The following GNAQ variants were observed in gnomAD, a reference collection of about 807,000 sequenced individuals.
GNAQ encodes the protein guanine nucleotide-binding protein G(q) subunit alpha.
GNAQ carries 8 observed loss-of-function variants against 43.9 expected under a neutral mutation model. The observed-to-expected ratio is 0.18, with a 90% CI of 0.11 to 0.33. The LOEUF (loss-of-function observed/expected upper bound fraction) is 0.33, where lower values mean the gene tolerates loss of function less well. Ranked by LOEUF, GNAQ falls within the 10% of genes least tolerant of loss-of-function variation. The pLI, the probability that GNAQ is intolerant of heterozygous loss-of-function variation, is 1.00. For missense variants in GNAQ, 158 were observed against 450.8 expected (o/e 0.35, Z 5.88); for synonymous variants, 155 against 170.7 (o/e 0.91, Z 0.71).
chr9:78,011,376 A>C (rs1035435318), intron 1 of GNAQ, among the ~76,000 whole-genome samples: 8 of 152,238 alleles, frequency 5.3e-5, no homozygotes, highest in African/African-American at 1.7e-4. Flanking sequence ...TACAAGGGCC[A>C]GACAAAATTT....
At chr9:77,821,242 C>T (rs1341801947) in intron 2 of GNAQ, among the ~76,000 whole-genome samples, 1 of 151,952 alleles carries the variant, frequency 6.6e-6, no homozygotes, top group African/African-American at 2.4e-5. Context: ...ACTGTCTTTC[C>T]CAAAAAACAT....
chr9:77,985,138 G>A (rs1162442786), intron 1 of GNAQ, among the ~76,000 whole-genome samples: 3 of 152,042 alleles, frequency 2.0e-5, no homozygotes, highest in Non-Finnish European at 2.9e-5. Flanking sequence ...GTGAAACTCC[G>A]TCTCTACTAA....
intron 5 of GNAQ, among the ~76,000 whole-genome samples, chr9:77,757,174 G>A (rs966925326): frequency 4.6e-5 from 7 of 152,184 alleles, no homozygotes; most frequent in African/African-American, 1.4e-4. Flanking sequence ...AGCCCTGCTT[G>A]TATTAAAACA....
intron 3 of GNAQ, among the ~76,000 whole-genome samples, chr9:77,801,370 T>G (rs1826740605): frequency 6.6e-6 from 1 of 152,232 alleles, no homozygotes; most frequent in East Asian, 1.9e-4. Context: ...ATCTTTTCAA[T>G]GGCAGTATAG....
At position 77,892,085 on chromosome 9, in the gene GNAQ, T is replaced by C. The variant is rs540994907; in HGVS notation, c.321+30076A>G. 8.5e-5 allele frequency among the ~76,000 whole-genome samples: 13 copies of C among 152,324 alleles called. No homozygotes were observed. The South Asian group carries it at 2.7e-3, about 32-fold the overall frequency. ...AGGTCTTGAGCAGCAAATTATATTA[T>C]TATTTTAAAACATACTAGGTTCTAG... On this transcript the variant is annotated intron_variant, in intron 2 of 6. Coordinates refer to ENST00000286548, the MANE Select transcript of GNAQ (RefSeq NM_002072.5).
At chr9:77,802,516 C>T (rs10747024) in intron 3 of GNAQ, among the ~76,000 whole-genome samples, 90,361 of 151,756 alleles carry the variant, frequency 0.6, 27,869 homozygotes, top group Middle Eastern at 0.7. Flanking sequence ...ATATGAGGGA[C>T]AGGTTCATGT....
chr9:77,738,518 A>C (rs1825607720), intron 5 of GNAQ, among the ~76,000 whole-genome samples: 1 of 152,220 alleles, frequency 6.6e-6, no homozygotes, highest in Admixed American at 6.5e-5. Flanking sequence ...AATTGCCCAC[A>C]TAAAACTATT....
intron 1 of GNAQ, chr9:78,030,594 G>A: frequency 2.1e-6 from 1 of 467,846 alleles, no homozygotes; most frequent in South Asian, 1.6e-5. Context: ...CACTGATAAT[G>A]GATGCACACC....
chr9:77,904,990 T>A (rs1176940084), intron 2 of GNAQ, among the ~76,000 whole-genome samples: 4 of 152,198 alleles, frequency 2.6e-5, no homozygotes, highest in African/African-American at 7.2e-5. Flanking sequence ...ATTGTTCAAC[T>A]AAAGAAAACT....
chr9:77,722,760 G>A (rs909048258), intron 6 of GNAQ, among the ~76,000 whole-genome samples: 3 of 149,616 alleles, frequency 2.0e-5, no homozygotes, highest in African/African-American at 2.5e-5. Flanking sequence ...GGGTTCAAGT[G>A]ATCCTCTTGC....
At chr9:77,969,927 C>G (rs1039536397) in intron 1 of GNAQ, among the ~76,000 whole-genome samples, 12 of 152,172 alleles carry the variant, frequency 7.9e-5, no homozygotes, top group African/African-American at 2.9e-4. Context: ...AGCCAAAGAT[C>G]TGAACCTTGT....
chr9:77,758,200 T>A (rs991234054), intron 5 of GNAQ, among the ~76,000 whole-genome samples: 4 of 152,246 alleles, frequency 2.6e-5, no homozygotes, highest in African/African-American at 9.6e-5. Context: ...TTGCTTTCAG[T>A]TTTATTTTTA....
chr9:77,979,810 CTA>C (rs1286147543), intron 1 of GNAQ, among the ~76,000 whole-genome samples: 1 of 152,162 alleles, frequency 6.6e-6, no homozygotes, highest in Non-Finnish European at 1.5e-5. Flanking sequence ...TTTGTTCCCC[CTA>C]TGTGTAGGTT....
At chr9:77,901,863 A>G (rs1256295943) in intron 2 of GNAQ, among the ~76,000 whole-genome samples, 2 of 152,204 alleles carry the variant, frequency 1.3e-5, no homozygotes, top group African/African-American at 4.8e-5. Context: ...GCTGAGAGCC[A>G]GTTTCTTAAT....
At chr9:78,019,989 T>C (rs1823888076) in intron 1 of GNAQ, among the ~76,000 whole-genome samples, 1 of 150,608 alleles carries the variant, frequency 6.6e-6, no homozygotes, top group African/African-American at 2.4e-5. Flanking sequence ...AGGGAAAAAG[T>C]CTGCTCTTAG....
chr9:77,876,838 G>A (rs569875715), intron 2 of GNAQ, among the ~76,000 whole-genome samples: 17 of 152,312 alleles, frequency 1.1e-4, no homozygotes, highest in African/African-American at 3.8e-4. Context: ...CTGGAGAACT[G>A]TAGGAGTGTG....
chr9:78,026,584 T>C (rs1194363701), intron 1 of GNAQ, among the ~76,000 whole-genome samples: 6 of 152,162 alleles, frequency 3.9e-5, no homozygotes, highest in African/African-American at 1.2e-4. Context: ...TGAGGTTACT[T>C]AGACCAAGGC....
intron 2 of GNAQ, among the ~76,000 whole-genome samples, chr9:77,883,571 T>A (rs1313316692): frequency 6.6e-6 from 1 of 151,990 alleles, no homozygotes; most frequent in African/African-American, 2.4e-5. Flanking sequence ...TGGCGGGGAC[T>A]GGGCTTCTAG....
At chr9:77,753,945 G>A (rs1280944099) in intron 5 of GNAQ, among the ~76,000 whole-genome samples, 1 of 152,208 alleles carries the variant, frequency 6.6e-6, no homozygotes, top group Non-Finnish European at 1.5e-5. Flanking sequence ...TCTCTTGTTT[G>A]TGTGTTGGGA....
Sources: allele counts gnomAD v4.1 joint callset (sites outside exome capture counted in the v4.1 genomes callset), GRCh38; gene constraint gnomAD v4.1.1; transcripts MANE v1.5; gene names NCBI Gene and HGNC (gene_info 2026-07-23, HGNC 2026-07-21).